Variants in CAST observed in about 807,000 individuals in gnomAD.
CAST encodes the protein calpastatin.
CAST carries 76 observed loss-of-function variants against 119.6 expected under a neutral mutation model. The ratio of observed to expected loss-of-function variants is 0.64; its 90% CI spans 0.53 to 0.77. The LOEUF is 0.77. CAST is among the 30% of genes least tolerant of loss of function. The pLI is 0.00. For missense variants in CAST, 953 were observed against 946.5 expected, an observed-to-expected ratio of 1.01 and a Z score of -0.09; for synonymous variants, 319 against 331.6, an observed-to-expected ratio of 0.96 and a Z score of 0.41.
chr5:96,500,800 G>T, the CAST span, among the ~76,000 whole-genome samples: 1 of 152,234 alleles, frequency 6.6e-6, no homozygotes, highest in Non-Finnish European at 1.5e-5. Context: ...GCTGTTAAAT[G>T]TGTAACTATG....
chr5:96,219,100 A>G, the CAST span, among the ~76,000 whole-genome samples: 1 of 152,202 alleles, frequency 6.6e-6, no homozygotes, highest in Non-Finnish European at 1.5e-5. Flanking sequence ...AGGTATTATC[A>G]CTATTATTTT....
the CAST span, among the ~76,000 whole-genome samples, chr5:96,291,579 G>A: frequency 6.6e-6 from 1 of 151,992 alleles, no homozygotes; most frequent in East Asian, 1.9e-4. Flanking sequence ...GTATCCACAT[G>A]GCTCACTTAA....
chr5:96,152,781 T>C, the CAST span, among the ~76,000 whole-genome samples: 1 of 20,642 alleles, frequency 4.8e-5, no homozygotes, highest in African/African-American at 3.1e-4. Flanking sequence ...TAAAAGATAA[T>C]GTAAATAGAG....
At chr5:96,517,039 A>G in the CAST span, among the ~76,000 whole-genome samples, 1 of 152,196 alleles carries the variant, frequency 6.6e-6, no homozygotes, top group Non-Finnish European at 1.5e-5. Context: ...TTACAGTCTC[A>G]TAAGCCAAGA....
At chr5:96,292,559 C>T in the CAST span, among the ~76,000 whole-genome samples, 4 of 152,258 alleles carry the variant, frequency 2.6e-5, no homozygotes, top group African/African-American at 9.6e-5. Flanking sequence ...TGAGATTATT[C>T]CTTAAGACTT....
At chr5:96,425,990 T>C in the CAST span, 2 of 906,544 alleles carry the variant, frequency 2.2e-6, no homozygotes, top group Non-Finnish European at 3.6e-6. Flanking sequence ...GTATACTTCC[T>C]CTAACTATCT....
chr5:96,672,362 T>G (rs1490407891), intron 1 of CAST, among the ~76,000 whole-genome samples: 1 of 152,170 alleles, frequency 6.6e-6, no homozygotes, highest in Non-Finnish European at 1.5e-5. Flanking sequence ...CATTGTATTA[T>G]TCTTTCAACT....
At chr5:96,461,406 A>G in the CAST span, among the ~76,000 whole-genome samples, 16,574 of 152,022 alleles carry the variant, frequency 0.11, 1,521 homozygotes, top group East Asian at 0.45. Context: ...TAGCACCTCT[A>G]TATTTAACTT....
the CAST span, among the ~76,000 whole-genome samples, chr5:96,207,570 T>G: frequency 6.6e-6 from 1 of 152,168 alleles, no homozygotes; most frequent in Non-Finnish European, 1.5e-5. Flanking sequence ...ATGTGGTTTT[T>G]GTTTTTCATT....
At chr5:96,430,610 T>A in the CAST span, among the ~76,000 whole-genome samples, 2 of 152,164 alleles carry the variant, frequency 1.3e-5, no homozygotes, top group Non-Finnish European at 2.9e-5. Context: ...AATATAGTAA[T>A]GCTAAATTAG....
chr5:96,335,309 G>A, the CAST span, among the ~76,000 whole-genome samples: 97 of 152,226 alleles, frequency 6.4e-4, no homozygotes, highest in Middle Eastern at 3.4e-3. Context: ...TTTTGGTAAG[G>A]CCACCCATAT....
intron 1 of CAST, among the ~76,000 whole-genome samples, chr5:96,536,129 G>A (rs766490329): frequency 4.0e-5 from 6 of 149,818 alleles, no homozygotes; most frequent in Non-Finnish European, 5.9e-5. Flanking sequence ...AGGCCTAGGC[G>A]GGTGAATCAC....
At chr5:96,269,279 C>T in the CAST span, among the ~76,000 whole-genome samples, 1 of 152,062 alleles carries the variant, frequency 6.6e-6, no homozygotes, top group Admixed American at 6.5e-5. Flanking sequence ...TTATAAATAT[C>T]TATATACCCA....
chr5:96,181,289 C>T, the CAST span, among the ~76,000 whole-genome samples: 1 of 152,096 alleles, frequency 6.6e-6, no homozygotes, highest in Non-Finnish European at 1.5e-5. Flanking sequence ...ATTTTTCTCC[C>T]TCAGGAGTCA....
At chr5:96,736,038 C>G in intron 9 of CAST, 134 bp from the exon 10 acceptor site, 1 of 598,526 alleles carries the variant, frequency 1.7e-6, no homozygotes, top group Admixed American at 3.0e-5. Context: ...ACACACAGCA[C>G]AGTTTCTGCT....
At chr5:96,320,139 C>A in the CAST span, among the ~76,000 whole-genome samples, 11 of 151,048 alleles carry the variant, frequency 7.3e-5, no homozygotes, top group Non-Finnish European at 1.3e-4. Flanking sequence ...TCTGCAGTAA[C>A]TACTCCTCCT....
At chr5:96,050,029 T>A in the CAST span, 1 of 150,486 alleles carries the variant, frequency 6.6e-6, no homozygotes, top group Non-Finnish European at 1.5e-5. Flanking sequence ...AAATGAGTAG[T>A]TAATATTGTC....
chr5:96,618,477 G>T (rs541288625), intron 1 of CAST, among the ~76,000 whole-genome samples: 1 of 152,248 alleles, frequency 6.6e-6, no homozygotes, highest in Non-Finnish European at 1.5e-5. Context: ...GCTGAGGCTG[G>T]AGCCAGCACC....
At chr5:96,163,270 T>C in the CAST span, among the ~76,000 whole-genome samples, 1,076 of 152,304 alleles carry the variant, frequency 7.1e-3, 8 homozygotes, top group Admixed American at 0.012. Context: ...AATTTGCATG[T>C]TCTTTCTTTT....
Sources: allele counts gnomAD v4.1 joint callset (sites outside exome capture counted in the v4.1 genomes callset), GRCh38; gene constraint gnomAD v4.1.1; transcripts MANE v1.5; gene names NCBI Gene and HGNC (gene_info 2026-07-23, HGNC 2026-07-21).